JADE1: variants seen among roughly 807,000 people sequenced by gnomAD.
The protein encoded by JADE1 is protein Jade-1.
JADE1 carries 14 observed loss-of-function variants against 81.8 expected under a neutral mutation model. That is an observed-to-expected ratio of 0.17 (90% confidence interval 0.11 to 0.27). JADE1 has a LOEUF of 0.27. Ranked by LOEUF, JADE1 falls within the 10% of genes least tolerant of loss-of-function variation. The pLI, the probability that JADE1 is intolerant of heterozygous loss-of-function variation, is 1.00. For missense variants in JADE1, 690 were observed against 1,047.9 expected (o/e 0.66, Z 4.71); for synonymous variants, 353 against 391.9 (o/e 0.90, Z 1.17).
chr4:128,819,124 C>T (rs1727316829), intron 1 of JADE1, among the ~76,000 whole-genome samples: 1 of 152,226 alleles, frequency 6.6e-6, no homozygotes. Context: ...GACACAGCAG[C>T]TACTTGATTG....
intron 1 of JADE1, among the ~76,000 whole-genome samples, chr4:128,817,306 C>A (rs868798098): frequency 7.0e-6 from 1 of 142,596 alleles, no homozygotes; most frequent in African/African-American, 2.5e-5. Flanking sequence ...TTCCTAACTG[C>A]GATTACAAGT....
At chr4:128,861,044 T>C (rs1731279423) in intron 8 of JADE1, among the ~76,000 whole-genome samples, 1 of 152,218 alleles carries the variant, frequency 6.6e-6, no homozygotes, top group African/African-American at 2.4e-5. Flanking sequence ...CTGTTCATTT[T>C]CTCACTCGTG....
intron 8 of JADE1, 102 bp from the exon 9 acceptor site, chr4:128,861,602 T>A: frequency 7.9e-7 from 1 of 1,271,472 alleles, no homozygotes; most frequent in Non-Finnish European, 1.1e-6. Flanking sequence ...GAAGCATGGC[T>A]CTTCTCTGTG....
At chr4:128,835,773 C>T (rs867165210) in intron 2 of JADE1, among the ~76,000 whole-genome samples, 13 of 152,214 alleles carry the variant, frequency 8.5e-5, no homozygotes, top group African/African-American at 2.7e-4. Flanking sequence ...GCAGCACGAG[C>T]CACAGCCATG....
intron 2 of JADE1, among the ~76,000 whole-genome samples, chr4:128,834,897 A>G (rs1270103609): frequency 6.6e-6 from 1 of 151,970 alleles, no homozygotes; most frequent in Non-Finnish European, 1.5e-5. Flanking sequence ...TGTAATCCTG[A>G]CACTTAGGGA....
At chr4:128,828,093 C>T (rs1451176273) in intron 1 of JADE1, among the ~76,000 whole-genome samples, 1 of 152,128 alleles carries the variant, frequency 6.6e-6, no homozygotes, top group African/African-American at 2.4e-5. Flanking sequence ...TCCTGTCTGC[C>T]CAACTAGGCC....
chr4:128,822,648 G>T (rs899639965), intron 1 of JADE1, among the ~76,000 whole-genome samples: 3 of 151,752 alleles, frequency 2.0e-5, no homozygotes, highest in Non-Finnish European at 2.9e-5. Context: ...GAACCTGGGA[G>T]GCGGAGGTTG....
Position 128,846,281 on chromosome 4 carries a change from T to A in JADE1, c.139-94T>A. The A allele has an allele frequency of 1.6e-6, 2 of 1,262,262 alleles. No individual in the cohort carries two copies. The highest frequency in any genetic ancestry group is 1.1e-6 in the Non-Finnish European group (1 of 882,026). The allele number at this position is 1,262,262 out of a possible 1,614,324, so 78.2% of individuals were successfully genotyped here. On this transcript the variant is annotated intron_variant, in intron 3 of 10. Transcript: ENST00000226319. The surrounding 1 kb of genome is among the most constrained non-coding windows in gnomAD (Gnocchi z 4.0). The stretch of plus-strand genomic sequence containing the variant: ...GTTCTATGTTGATACAGTGACCTTG[T>A]TACATGGCAGCTCCATGGTTACATT...
chr4:128,822,451 G>A (rs1727663506), intron 1 of JADE1, among the ~76,000 whole-genome samples: 2 of 152,106 alleles, frequency 1.3e-5, no homozygotes, highest in Non-Finnish European at 2.9e-5. Context: ...AGTGGCTCAT[G>A]CCTGTAATCC....
intron 2 of JADE1, among the ~76,000 whole-genome samples, chr4:128,839,144 C>G (rs1357210374): frequency 6.6e-6 from 1 of 152,204 alleles, no homozygotes; most frequent in African/African-American, 2.4e-5. Context: ...GTGCACAGCA[C>G]TGACTAACTT....
At chr4:128,851,641 C>T (rs189626485) in intron 5 of JADE1, among the ~76,000 whole-genome samples, 35 of 152,210 alleles carry the variant, frequency 2.3e-4, no homozygotes, top group East Asian at 2.1e-3. Context: ...AATTTTGGGG[C>T]CCTCAGAGAT....
intron 6 of JADE1, among the ~76,000 whole-genome samples, 170 bp from the exon 7 acceptor site, chr4:128,855,460 G>A (rs987754669): frequency 6.6e-6 from 1 of 152,206 alleles, no homozygotes; most frequent in Admixed American, 6.5e-5. Flanking sequence ...TGAGGCTGCC[G>A]GGCATTTTCC....
intron 2 of JADE1, among the ~76,000 whole-genome samples, chr4:128,836,174 C>A (rs1201780141): frequency 6.6e-6 from 1 of 152,160 alleles, no homozygotes; most frequent in Non-Finnish European, 1.5e-5. Flanking sequence ...TAACTACTTT[C>A]AGTACAGTTG....
Position 128,852,132 on chromosome 4 carries a change from A to G in JADE1, c.560A>G (p.Asn187Ser), listed in dbSNP as rs1378603888. ...GAGCAGCGATGCTACGACAATATGA[A>G]TCATGCCATAGAGACTGAGGAAGGC... ...EFEQRCYDNM[N>S]HAIETEEGLG... The change falls in exon 6 of 11, where the codon AAT becomes AGT. Residue 187 changes from asparagine (N) to serine (S), a missense_variant. This residue lies in a region of JADE1 where 84 missense variants were observed against 226.6 expected (regional missense o/e 0.37). Transcript: ENST00000226319. 1 of 1,614,126 alleles carries G rather than the reference A, an allele frequency of 6.2e-7. No individual in the cohort carries two copies. The highest frequency in any genetic ancestry group is 2.2e-5 in the East Asian group (1 of 44,886).
chr4:128,824,417 C>CA lies in JADE1; in HGVS notation c.-26-7308dup, dbSNP rs1027680086. Among the ~76,000 whole-genome samples, 7 of 143,974 alleles carry CA rather than the reference C, an allele frequency of 4.9e-5. No individual in the cohort carries two copies. In the South Asian group the frequency reaches 6.8e-4, roughly 14 times the overall value. The allele number at this position is 143,974 out of a possible 152,430, so 94.5% of individuals were successfully genotyped here. On this transcript the variant is annotated intron_variant, in intron 1 of 10. Transcript: ENST00000226319. ...TAGGTGACAGAGCGAGACTCCAACT[C>CA]AAAAAAAATAAAATAAAAGAGAAAG...
chr4:128,862,398 A>G (rs984910700), intron 9 of JADE1, 173 bp downstream of exon 9: 67 of 1,432,162 alleles, frequency 4.7e-5, no homozygotes, highest in Non-Finnish European at 5.4e-5. Flanking sequence ...CTCATTGTAC[A>G]TATGTGCAAA....
chr4:128,868,182 G>A (rs572436090), intron 10 of JADE1, among the ~76,000 whole-genome samples: 2 of 152,218 alleles, frequency 1.3e-5, no homozygotes, highest in Non-Finnish European at 2.9e-5. Flanking sequence ...GTGGAATCCT[G>A]TGTTCTCTGC....
Position 128,847,080 on chromosome 4 carries a change from G to A in JADE1, c.296+548G>A, listed in dbSNP as rs1024759549. 3.9e-5 allele frequency among the ~76,000 whole-genome samples: 6 copies of A among 152,182 alleles called. No individual in the cohort carries two copies. The South Asian group carries it at 8.3e-4, about 21-fold the overall frequency. On this transcript the variant is annotated intron_variant, in intron 4 of 10. Transcript: ENST00000226319. ...ACTGGTCACATTATTCTTGGGGTAC[G>A]TTCTCTGGATTTACTGACTTATCTT... is the stretch of plus-strand genomic sequence containing the variant.
intron 1 of JADE1, among the ~76,000 whole-genome samples, chr4:128,823,183 TC>T (rs1727735769): frequency 6.6e-6 from 1 of 152,306 alleles, no homozygotes; most frequent in African/African-American, 2.4e-5. Context: ...CTGCTCTTAT[TC>T]AGTTGCTGAC....
Sources: allele counts gnomAD v4.1 joint callset (sites outside exome capture counted in the v4.1 genomes callset), GRCh38; gene constraint gnomAD v4.1.1; regional missense constraint gnomAD v4.1.1; non-coding constraint Gnocchi (gnomAD v3.1); transcripts MANE v1.5; gene names NCBI Gene and HGNC (gene_info 2026-07-23, HGNC 2026-07-21).